Variants in DLGAP4 observed in about 807,000 individuals in gnomAD.
DLGAP4 encodes the protein DLG associated protein 4.
Under a neutral mutation model 86.9 loss-of-function variants are expected in DLGAP4, and 18 were observed. That is an observed-to-expected ratio of 0.21 (90% confidence interval 0.14 to 0.31). The LOEUF is 0.31. Among genes scored for constraint, DLGAP4 ranks in the 10% least tolerant of loss-of-function variants. DLGAP4 has a pLI of 1.00. For missense variants in DLGAP4, 1,085 were observed against 1,362.6 expected, an observed-to-expected ratio of 0.80 and a Z score of 3.21; for synonymous variants, 548 against 574.3, an observed-to-expected ratio of 0.95 and a Z score of 0.65.
chr20:36,313,337 C>A (rs1367843411), intron 1 of DLGAP4, among the ~76,000 whole-genome samples: 2 of 152,232 alleles, frequency 1.3e-5, no homozygotes, highest in Non-Finnish European at 2.9e-5. Context: ...AGCCCTGGCA[C>A]CTCCTCAGCT....
chr20:36,513,501 T>C (rs936502586), intron 10 of DLGAP4, among the ~76,000 whole-genome samples: 5 of 145,594 alleles, frequency 3.4e-5, no homozygotes, highest in Non-Finnish European at 6.0e-5. Context: ...TGAGCCGAGA[T>C]TGCGCCACTG....
chr20:36,384,413 T>G (rs548538005), intron 2 of DLGAP4, among the ~76,000 whole-genome samples: 1 of 152,202 alleles, frequency 6.6e-6, no homozygotes. Context: ...TCTGTTACCA[T>G]CTACCAGGCA....
At position 36,440,406 on chromosome 20, in the gene DLGAP4, C is replaced by T. The variant is rs1315914276; in HGVS notation, c.1356+538C>T. On this transcript the variant is annotated intron_variant, in intron 5 of 12. Transcript: ENST00000339266. ...CAGCAAGTGACTGCTCACTTTGAACCTCTGTGCCACCTACTCAGTGGGCAG... is the reference window on the plus strand; with the variant it reads ...CAGCAAGTGACTGCTCACTTTGAACTTCTGTGCCACCTACTCAGTGGGCAG... 3.3e-5 allele frequency among the ~76,000 whole-genome samples: 5 copies of T among 152,144 alleles called. No individual in the cohort carries two copies. In the South Asian group the frequency reaches 8.3e-4, roughly 25 times the overall value.
chr20:36,330,182 A>T (rs1237175704), intron 1 of DLGAP4, among the ~76,000 whole-genome samples: 10 of 152,208 alleles, frequency 6.6e-5, no homozygotes, highest in African/African-American at 2.4e-4. Context: ...GACAATTAAA[A>T]CACAGTGTGT....
intron 2 of DLGAP4, among the ~76,000 whole-genome samples, chr20:36,414,756 A>C (rs2032605423): frequency 6.6e-6 from 1 of 152,248 alleles, no homozygotes; most frequent in African/African-American, 2.4e-5. Context: ...CTCCAGTTCC[A>C]TGTAAGCCTC....
Position 36,497,034 on chromosome 20 carries a change from C to T in DLGAP4, c.1978C>T (p.Pro660Ser), listed in dbSNP as rs769829105. The change falls in exon 8 of 13, where the codon CCC becomes TCC. Residue 660 changes from proline (P) to serine (S), a missense_variant. Pro to Ser is a moderately conservative substitution (Grantham distance 74). Coordinates refer to ENST00000339266, the MANE Select transcript of DLGAP4 (RefSeq NM_001365621.2). ...TSSESHPEAA[P>S]KRKLSSIGIQ... ...CTCTGAGTCCCACCCCGAGGCCGCC[C>T]CCAAAAGGAAACTGTCATCGATAGG... The T allele has an allele frequency of 6.2e-7, 1 of 1,608,892 alleles. No homozygotes were observed. The highest frequency in any genetic ancestry group is 1.1e-5 in the South Asian group (1 of 90,822).
At chr20:36,410,263 C>A (rs1043545423) in intron 2 of DLGAP4, among the ~76,000 whole-genome samples, 56 of 152,270 alleles carry the variant, frequency 3.7e-4, no homozygotes, top group African/African-American at 1.2e-3. Context: ...GAAAAACCTG[C>A]ATTTCTCCAG....
chr20:36,489,313 C>T (rs995945649), intron 7 of DLGAP4, among the ~76,000 whole-genome samples: 1 of 152,168 alleles, frequency 6.6e-6, no homozygotes. Context: ...CCTGCTCAGG[C>T]CTGGCCATGG....
chr20:36,520,286 T>C (rs916155551), intron 10 of DLGAP4, among the ~76,000 whole-genome samples: 5 of 152,196 alleles, frequency 3.3e-5, no homozygotes, highest in Admixed American at 1.3e-4. Flanking sequence ...ATTAAACCCT[T>C]ATCAGATACA....
In DLGAP4 at chr20:36,441,200, G is replaced by T. The variant is rs57227630; in HGVS notation, c.1356+1332G>T. On this transcript the variant is annotated intron_variant, in intron 5 of 12. Transcript: ENST00000339266. The stretch of plus-strand genomic sequence containing the variant: ...TACCTGGACCTGTGAAGCCCTGTAA[G>T]ACCTAGGCCCTGCCTCCCTGTTGGA... Among the ~76,000 whole-genome samples the T allele has an allele frequency of 9.3e-3, 1,415 of 152,320 alleles. 22 individuals carry two copies. The highest frequency in any genetic ancestry group is 0.032 in the African/African-American group (1,340 of 41,572).
chr20:36,434,057 C>T (rs2033204151), intron 3 of DLGAP4, among the ~76,000 whole-genome samples: 1 of 151,790 alleles, frequency 6.6e-6, no homozygotes, highest in South Asian at 2.1e-4. Context: ...GATTCTCCTG[C>T]CTCAGCCTCC....
chr20:36,385,914 CT>C (rs1350578041), intron 2 of DLGAP4, among the ~76,000 whole-genome samples: 2 of 152,210 alleles, frequency 1.3e-5, no homozygotes, highest in Non-Finnish European at 2.9e-5. Context: ...AGGCTTAGCT[CT>C]GCAGCTCTGG....
intron 8 of DLGAP4, chr20:36,497,386 C>G (rs940186022): frequency 3.4e-6 from 4 of 1,189,912 alleles, no homozygotes; most frequent in Non-Finnish European, 3.1e-6. Flanking sequence ...TCCACTCCAC[C>G]CTTTGCCCTG....
chr20:36,417,435 A>G (rs2032689487), intron 2 of DLGAP4, among the ~76,000 whole-genome samples: 1 of 152,050 alleles, frequency 6.6e-6, no homozygotes, highest in African/African-American at 2.4e-5. Context: ...AGTCTGGAGT[A>G]TAGTGGCACA....
chr20:36,504,062 C>T (rs988181039), intron 10 of DLGAP4, among the ~76,000 whole-genome samples: 2 of 152,030 alleles, frequency 1.3e-5, no homozygotes, highest in South Asian at 2.1e-4. Context: ...GGTCAAACTT[C>T]GATTTTTGTT....
At chr20:36,513,984 T>C (rs1477946539) in intron 10 of DLGAP4, among the ~76,000 whole-genome samples, 4 of 152,176 alleles carry the variant, frequency 2.6e-5, no homozygotes, top group African/African-American at 7.2e-5. Flanking sequence ...GAAGATTCTA[T>C]CTGGGAGTCA....
intron 7 of DLGAP4, among the ~76,000 whole-genome samples, chr20:36,485,022 T>C (rs1219397610): frequency 6.6e-6 from 1 of 152,236 alleles, no homozygotes; most frequent in African/African-American, 2.4e-5. Flanking sequence ...ATATAATATG[T>C]AATGATCAAA....
At chr20:36,349,142 G>T (rs1555893257) in intron 1 of DLGAP4, among the ~76,000 whole-genome samples, 1 of 139,450 alleles carries the variant, frequency 7.2e-6, no homozygotes, top group East Asian at 2.1e-4. Context: ...AAAAAAGCCG[G>T]GTGCAATGGC....
chr20:36,388,179 C>T (rs1184157546), intron 2 of DLGAP4, among the ~76,000 whole-genome samples: 1 of 152,186 alleles, frequency 6.6e-6, no homozygotes, highest in Non-Finnish European at 1.5e-5. Context: ...GTAGGACAAG[C>T]CTCCCCGTCC....
Sources: allele counts gnomAD v4.1 joint callset (sites outside exome capture counted in the v4.1 genomes callset), GRCh38; gene constraint gnomAD v4.1.1; transcripts MANE v1.5; gene names NCBI Gene and HGNC (gene_info 2026-07-23, HGNC 2026-07-21).